Variants in MTFMT observed in about 807,000 individuals in gnomAD.
MTFMT encodes the protein methionyl-tRNA formyltransferase, mitochondrial.
MTFMT carries 47 observed loss-of-function variants against 51.8 expected under a neutral mutation model. The observed-to-expected ratio is 0.91, with a 90% CI of 0.72 to 1.16. MTFMT has a LOEUF of 1.16. MTFMT is among the 50% of genes most tolerant of loss of function. The probability of loss-of-function intolerance (pLI) is 0.00; values close to 1 mark genes in which losing one functional copy is unlikely to be tolerated. For synonymous variants in MTFMT, 196 were observed against 176.7 expected, an observed-to-expected ratio of 1.11 and a Z score of -0.87; for missense variants, 512 against 482.3, an observed-to-expected ratio of 1.06 and a Z score of -0.58.
chr15:65,003,312 A>C (rs117832641), intron 8 of MTFMT, 56 bp from the exon 9 acceptor site: 41 of 1,307,084 alleles, frequency 3.1e-5, no homozygotes, highest in Non-Finnish European at 4.4e-5. Context: ...TAAAAAGCCA[A>C]GTAAATATTA....
At position 65,017,848 on chromosome 15, in the gene MTFMT, C is replaced by A. The variant is rs532822234; in HGVS notation, c.722-1321G>T. 2.7e-4 allele frequency among the ~76,000 whole-genome samples: 41 copies of A among 151,810 alleles called. No homozygotes were observed. In the Middle Eastern group the frequency reaches 0.01, roughly 38 times the overall value. On this transcript the variant is annotated intron_variant, in intron 5 of 8. Transcript: ENST00000220058. ...CTTCTTACTAATAGGAAGTAGTCTC[C>A]ATGATACACTATTAAGTGAAAAAAC...
chr15:65,025,524 G>T (rs1405530996), intron 2 of MTFMT, among the ~76,000 whole-genome samples: 1 of 151,810 alleles, frequency 6.6e-6, no homozygotes, highest in African/African-American at 2.4e-5. Flanking sequence ...TAATGTAGGC[G>T]AGAGTGGCAG....
intron 6 of MTFMT, among the ~76,000 whole-genome samples, chr15:65,013,933 A>G (rs1322713567): frequency 1.3e-5 from 2 of 150,358 alleles, no homozygotes; most frequent in African/African-American, 2.5e-5. Context: ...ACAGGGCGAG[A>G]CACCATCTCA....
At chr15:65,017,715 T>C (rs561762675) in intron 5 of MTFMT, among the ~76,000 whole-genome samples, 1 of 152,056 alleles carries the variant, frequency 6.6e-6, no homozygotes. Flanking sequence ...GGAGGACTGC[T>C]TGAGCCTGGG....
intron 7 of MTFMT, among the ~76,000 whole-genome samples, chr15:65,005,797 G>A (rs535082586): frequency 1.8e-4 from 28 of 152,068 alleles, no homozygotes; most frequent in African/African-American, 6.5e-4. Context: ...TAGTAGAGAC[G>A]GGGCTTCACC....
chr15:65,005,013 A>G, intron 7 of MTFMT, 77 bp from the exon 8 acceptor site: 2 of 1,039,462 alleles, frequency 1.9e-6, no homozygotes, highest in Non-Finnish European at 3.0e-6. Flanking sequence ...TTAAAAATCA[A>G]AAAACATCTT....
At chr15:65,018,860 T>C (rs1385768742) in intron 5 of MTFMT, among the ~76,000 whole-genome samples, 1 of 152,230 alleles carries the variant, frequency 6.6e-6, no homozygotes, top group Non-Finnish European at 1.5e-5. Flanking sequence ...AGGCAATTAA[T>C]GGCATCAACT....
chr15:65,013,582 T>G (rs2086288494), intron 6 of MTFMT, among the ~76,000 whole-genome samples: 3 of 152,242 alleles, frequency 2.0e-5, no homozygotes, highest in Admixed American at 2.0e-4. Context: ...TTGTCCTTTA[T>G]TCTACTAATA....
intron 6 of MTFMT, among the ~76,000 whole-genome samples, chr15:65,013,674 T>C (rs1431422068): frequency 2.0e-5 from 3 of 152,204 alleles, no homozygotes; most frequent in African/African-American, 7.2e-5. Flanking sequence ...CAGGGTGTGA[T>C]GGCTCACACC....
chr15:65,025,552 TACAG>T (rs1307756214), intron 2 of MTFMT, among the ~76,000 whole-genome samples: 2 of 151,908 alleles, frequency 1.3e-5, no homozygotes, highest in African/African-American at 2.4e-5. Context: ...AGTGATGAGA[TACAG>T]ACAGATTCTA....
At chr15:65,022,405 A>G (rs1010986494) in intron 3 of MTFMT, among the ~76,000 whole-genome samples, 1 of 151,684 alleles carries the variant, frequency 6.6e-6, no homozygotes, top group Non-Finnish European at 1.5e-5. Context: ...GTGAGCTGAG[A>G]TCACCCCACT....
intron 6 of MTFMT, among the ~76,000 whole-genome samples, chr15:65,014,997 C>T (rs1381758439): frequency 1.3e-5 from 2 of 149,820 alleles, no homozygotes; most frequent in Admixed American, 6.7e-5. Flanking sequence ...TTCTATAGTA[C>T]CTAGTACACT....
At chr15:65,006,618 C>G (rs2086222026) in intron 6 of MTFMT, among the ~76,000 whole-genome samples, 1 of 152,066 alleles carries the variant, frequency 6.6e-6, no homozygotes, top group Non-Finnish European at 1.5e-5. Flanking sequence ...CCTCATGATC[C>G]GCCCGCCTTA....
At chr15:65,013,416 C>A (rs758827181) in intron 6 of MTFMT, among the ~76,000 whole-genome samples, 11 of 152,094 alleles carry the variant, frequency 7.2e-5, no homozygotes, top group African/African-American at 1.4e-4. Context: ...CACTTGGCTT[C>A]TTTCATTAAG....
intron 3 of MTFMT, among the ~76,000 whole-genome samples, chr15:65,022,178 T>C (rs2086378952): frequency 6.6e-6 from 1 of 152,176 alleles, no homozygotes; most frequent in Non-Finnish European, 1.5e-5. Flanking sequence ...TGATTATAAG[T>C]AGGGCCAGGC....
At chr15:65,015,709 G>C (rs148298761) in intron 6 of MTFMT, 1 of 152,698 alleles carries the variant, frequency 6.5e-6, no homozygotes, top group Non-Finnish European at 1.5e-5. Flanking sequence ...GTGGTGGTGT[G>C]TGCCTGTGGT....
Position 65,023,684 on chromosome 15 carries a change from A to C in MTFMT, c.530T>G (p.Ile177Ser), listed in dbSNP as rs183829490. The change falls in exon 3 of 9, where the codon ATT (isoleucine) becomes AGT (serine). Residue 177 changes from isoleucine (I) to serine (S), a missense_variant. Transcript: ENST00000220058. ...DTVTGVTIMQ[I>S]RPKRFDVGPI... is the part of the protein sequence containing the mutation. ...AAATATGTGCTACCTTTTAGGTCTA[A>C]TTTGCATAATTGTTACTCCAGTAAC... 4.8e-5 allele frequency: 78 copies of C among 1,613,500 alleles called. No individual in the cohort carries two copies. In the East Asian group the frequency reaches 1.7e-3, roughly 36 times the overall value.
chr15:65,026,319 T>C (rs554112691), intron 2 of MTFMT: 4 of 199,922 alleles, frequency 2.0e-5, no homozygotes, highest in Non-Finnish European at 4.3e-5. Flanking sequence ...GTGATCCCTT[T>C]TCTTACAACA....
Position 65,023,774 on chromosome 15 carries a change from G to T in MTFMT, c.440C>A (p.Pro147His). ...KFPYGILNVHPSCLPRWRGPA... is the reference protein window; with the variant it reads ...KFPYGILNVHHSCLPRWRGPA... ...GCCACGCCATCTCGGGAGGCAACTG[G>T]GATGAACATTCAATATGCCACTGAG... is the stretch of plus-strand genomic sequence containing the variant. The change falls in exon 3 of 9, where the codon CCC becomes CAC. Residue 147 changes from proline (P) to histidine (H), a missense_variant. By Grantham distance (77) the Pro-to-His change is moderately conservative. Transcript: ENST00000220058. The T allele has an allele frequency of 3.7e-6, 6 of 1,612,016 alleles. No homozygotes were observed. Among genetic ancestry groups the T allele is most frequent in the Non-Finnish European group, 5.1e-6 (6 of 1,178,894 alleles).
Sources: gnomAD v4.1 joint callset for allele counts (sites outside exome capture counted in the v4.1 genomes callset) on GRCh38, gnomAD v4.1.1 for gene constraint, MANE v1.5 for transcripts, NCBI Gene and HGNC (gene_info 2026-07-23, HGNC 2026-07-21) for gene names.